The following CTSK variants were observed in gnomAD, a reference collection of about 807,000 sequenced individuals.
CTSK encodes cathepsin O.
CTSK carries 26 observed loss-of-function variants against 40.5 expected under a neutral mutation model. The observed-to-expected ratio is 0.64, with a 90% CI of 0.47 to 0.89. The LOEUF (loss-of-function observed/expected upper bound fraction) is 0.89. Among genes scored for constraint, CTSK ranks in the 40% least tolerant of loss-of-function variants. The pLI is 0.00. For synonymous variants in CTSK, 132 were observed against 143.2 expected (o/e 0.92, Z 0.56); for missense variants, 292 against 400.1 (o/e 0.73, Z 2.30).
In CTSK at chr1:150,806,237, T is replaced by G. The variant is rs1227826184; in HGVS notation, c.121-13A>C. ...AGATTTCATCCACCTAAACAAAGCA[T>G]AGTCAGTACTTGTATAGACTGTCTA... On this transcript the variant is annotated splice_polypyrimidine_tract_variant and intron_variant, in intron 2 of 7. Transcript: ENST00000271651. 1 of 1,613,668 alleles carries G rather than the reference T, an allele frequency of 6.2e-7. No homozygotes were observed. Among genetic ancestry groups the G allele is most frequent in the Non-Finnish European group, 8.5e-7 (1 of 1,179,876 alleles).
At chr1:150,799,064 A>AT (rs1429663274) in intron 7 of CTSK, 104 bp downstream of exon 7, 2 of 820,366 alleles carry the variant, frequency 2.4e-6, no homozygotes, top group Non-Finnish European at 4.3e-6. Context: ...CTCTGAGATA[A>AT]TTTTTTCTTG....
chr1:150,802,941 T>A (rs1467392185), intron 5 of CTSK, among the ~76,000 whole-genome samples: 2 of 152,122 alleles, frequency 1.3e-5, no homozygotes, highest in African/African-American at 4.8e-5. Context: ...ATAAAAACAG[T>A]TAATTCACTG....
chr1:150,804,300 T>C, intron 4 of CTSK, 61 bp from the exon 5 acceptor site: 2 of 1,335,970 alleles, frequency 1.5e-6, no homozygotes, highest in Non-Finnish European at 2.1e-6. Flanking sequence ...ATCTTCTCTC[T>C]ACCTGCCTGA....
intron 1 of CTSK, among the ~76,000 whole-genome samples, 198 bp from the exon 2 acceptor site, chr1:150,807,004 T>TG (rs879450713): frequency 6.7e-6 from 1 of 148,500 alleles, no homozygotes. Flanking sequence ...CATTTCTCTC[T>TG]TTCTCTCTCT....
chr1:150,802,143 T>A (rs1409015561), intron 5 of CTSK, among the ~76,000 whole-genome samples: 1 of 151,612 alleles, frequency 6.6e-6, no homozygotes, highest in Non-Finnish European at 1.5e-5. Context: ...CCGGGCGTGG[T>A]TGCGGGTGCC....
rs1653885698 is a variant in CTSK, at chr1:150,796,867, T to C, written c.922A>G (p.Ile308Val). The C allele has an allele frequency of 6.2e-7, 1 of 1,614,046 alleles. No homozygotes were observed. The highest frequency in any genetic ancestry group is 8.5e-7 in the Non-Finnish European group (1 of 1,180,002). Residue 308 changes from isoleucine to valine, a missense_variant, in exon 8 of 8, where the codon ATC becomes GTC. By Grantham distance (29) the Ile-to-Val change is conservative (BLOSUM62 3). Coordinates refer to ENST00000271651, the MANE Select transcript of CTSK (RefSeq NM_000396.4). Reference protein sequence around the residue: ...WGENWGNKGYILMARNKNNAC... With the variant: ...WGENWGNKGYVLMARNKNNAC... The stretch of plus-strand genomic sequence containing the variant: ...TTGTTCTTATTTCGAGCCATGAGGA[T>C]ATATCCTTTGTTTCCCCAGTTTTCT...
intron 5 of CTSK, among the ~76,000 whole-genome samples, chr1:150,802,983 C>G (rs1654021582): frequency 1.3e-5 from 2 of 152,128 alleles, no homozygotes; most frequent in Non-Finnish European, 2.9e-5. Context: ...GATAAACATA[C>G]TGATAAAAAG....
At chr1:150,804,645 A>G (rs201283388) in intron 4 of CTSK, among the ~76,000 whole-genome samples, 221 of 152,276 alleles carry the variant, frequency 1.5e-3, no homozygotes, top group African/African-American at 5.2e-3. Context: ...AAAATCTCAA[A>G]AAGTATTAGC....
At chr1:150,805,371 G>T (rs1279528278) in intron 4 of CTSK, among the ~76,000 whole-genome samples, 3 of 151,894 alleles carry the variant, frequency 2.0e-5, no homozygotes, top group Non-Finnish European at 4.4e-5. Context: ...ACCAGGCCGC[G>T]ATGGCTCATG....
chr1:150,804,319 C>T (rs150630252), intron 4 of CTSK, 80 bp from the exon 5 acceptor site: 129 of 1,163,988 alleles, frequency 1.1e-4, no homozygotes, highest in Middle Eastern at 5.8e-4. Context: ...GAAGAAATTC[C>T]ATGTGTTCTA....
chr1:150,807,078 TCTCACACACACACACA>T (rs1231100514), intron 1 of CTSK, among the ~76,000 whole-genome samples: 108 of 120,598 alleles, frequency 9.0e-4, no homozygotes, highest in Admixed American at 2.6e-3. Flanking sequence ...TCTCTCTCTC[TCTCACACACACACACA>T]CACACACACA....
At position 150,796,855 on chromosome 1, in the gene CTSK, G is replaced by T. The variant is rs375958814; in HGVS notation, c.934C>A (p.Arg312=). The change falls in exon 8 of 8, where the codon CGA becomes AGA. Residue 312 remains arginine (R), a synonymous_variant. Transcript: ENST00000271651. ...ATGCCACAGGCGTTGTTCTTATTTC[G>T]AGCCATGAGGATATATCCTTTGTTT... ...WGNKGYILMA[R]NKNNACGIAN... is the part of the protein sequence containing the mutation. 1.2e-6 allele frequency: 2 copies of T among 1,614,126 alleles called. No individual in the cohort carries two copies. The highest frequency in any genetic ancestry group is 1.7e-5 in the Admixed American group (1 of 60,022).
chr1:150,801,581 C>T (rs1407169174), intron 5 of CTSK, among the ~76,000 whole-genome samples: 1 of 151,190 alleles, frequency 6.6e-6, no homozygotes, highest in South Asian at 2.1e-4. Context: ...CTCAGTTGCC[C>T]AGGCTGGAGT....
chr1:150,799,491 C>G, intron 6 of CTSK, 53 bp downstream of exon 6: 1 of 1,604,446 alleles, frequency 6.2e-7, no homozygotes, highest in South Asian at 1.1e-5. Flanking sequence ...TTCGAGAAAC[C>G]ATCAAGTTTG....
At position 150,796,524 on chromosome 1, in the gene CTSK, C is replaced by T; in HGVS notation, c.*275G>A. 1 of 558,660 alleles carries T rather than the reference C, an allele frequency of 1.8e-6. No homozygotes were observed. Among genetic ancestry groups the T allele is most frequent in the Non-Finnish European group, 3.2e-6 (1 of 311,458 alleles). The allele number at this position is 558,660 out of a possible 1,614,324, so 34.6% of individuals were successfully genotyped here. On this transcript the variant is annotated 3_prime_UTR_variant, in exon 8 of 8. Coordinates refer to ENST00000271651, the MANE Select transcript of CTSK (RefSeq NM_000396.4). Reference sequence around the variant, plus strand: ...CTGTACAGCATCAGCCCTGGGACAACACAGTCAGGGGCAGGCTGTAGTCAC... The same window carrying T: ...CTGTACAGCATCAGCCCTGGGACAATACAGTCAGGGGCAGGCTGTAGTCAC...
intron 5 of CTSK, chr1:150,800,528 C>T (rs1653970351): frequency 6.1e-6 from 1 of 163,620 alleles, no homozygotes; most frequent in South Asian, 1.7e-4. Flanking sequence ...TGACTTCCAA[C>T]ACTATATTTT....
Position 150,804,071 on chromosome 1 carries a change from G to A in CTSK, c.568C>T (p.Gln190Ter), listed in dbSNP as rs202040269. Reference protein sequence around the residue: ...GYMTNAFQYVQKNRGIDSEDA... With the variant: ...GYMTNAFQYV Reference sequence around the variant, plus strand: ...TCAGAGTCAATACCCCGGTTCTTCTGCACATATTGGAAGGCATTGGTCATG... The same window carrying A: ...TCAGAGTCAATACCCCGGTTCTTCTACACATATTGGAAGGCATTGGTCATG... Residue 190 changes from glutamine (Q) to a stop codon, truncating the protein, a stop_gained, in exon 5 of 8, where the codon CAG becomes TAG. Coordinates refer to ENST00000271651, the MANE Select transcript of CTSK (RefSeq NM_000396.4). LOFTEE classifies it high-confidence loss of function. 6.2e-7 allele frequency: 1 copy of A among 1,614,152 alleles called. No homozygotes were observed. The highest frequency in any genetic ancestry group is 1.1e-5 in the South Asian group (1 of 91,080).
At chr1:150,806,252 T>G (rs966197225) in intron 2 of CTSK, 28 bp from the exon 3 acceptor site, 1 of 1,610,204 alleles carries the variant, frequency 6.2e-7, no homozygotes, top group East Asian at 2.2e-5. Context: ...AGTACTTGTA[T>G]AGACTGTCTA....
chr1:150,799,386 A>G (rs1653938931), intron 6 of CTSK, 113 bp from the exon 7 acceptor site: 4 of 1,215,196 alleles, frequency 3.3e-6, no homozygotes, highest in South Asian at 2.4e-5. Flanking sequence ...AGGGTTTACC[A>G]CAGAGATGCT....
Sources: gnomAD v4.1 joint callset for allele counts (sites outside exome capture counted in the v4.1 genomes callset) on GRCh38, gnomAD v4.1.1 for gene constraint, MANE v1.5 for transcripts, NCBI Gene and HGNC (gene_info 2026-07-23, HGNC 2026-07-21) for gene names.